ATXN7L1: variants seen among roughly 807,000 people sequenced by gnomAD.
The protein encoded by ATXN7L1 is ataxin 7 like 1, also known as ataxin-7-like protein 1.
In ATXN7L1, 15 loss-of-function variants were observed where a neutral mutation model predicts 70.8. That is an observed-to-expected ratio of 0.21 (90% CI 0.14 to 0.33). The LOEUF is 0.33. Ranked by LOEUF, ATXN7L1 falls within the 10% of genes least tolerant of loss-of-function variation. The pLI is 1.00. For missense variants in ATXN7L1, 975 were observed against 1,097.1 expected (o/e 0.89, Z 1.57); for synonymous variants, 440 against 445.1 (o/e 0.99, Z 0.14).
chr7:105,653,849 G>GCTCTGTGCACAC (rs1562956704), intron 4 of ATXN7L1, among the ~76,000 whole-genome samples: 16 of 152,010 alleles, frequency 1.1e-4, no homozygotes, highest in African/African-American at 3.6e-4. Context: ...TGTGGGCCGG[G>GCTCTGTGCACAC]CTCTCCTGCT....
intron 2 of ATXN7L1, among the ~76,000 whole-genome samples, chr7:105,823,630 G>C (rs1163878947): frequency 6.6e-6 from 1 of 152,156 alleles, no homozygotes; most frequent in Non-Finnish European, 1.5e-5. Context: ...GTGGATTAAT[G>C]GTTACTCCTC....
intron 2 of ATXN7L1, among the ~76,000 whole-genome samples, chr7:105,871,995 A>ATT (rs970133304): frequency 1.4e-5 from 2 of 143,774 alleles, no homozygotes; most frequent in Non-Finnish European, 1.5e-5. Context: ...AACCAAAATA[A>ATT]TTTTTTTTTT....
intron 4 of ATXN7L1, among the ~76,000 whole-genome samples, chr7:105,647,510 G>A (rs997664515): frequency 3.9e-5 from 6 of 152,224 alleles, no homozygotes; most frequent in African/African-American, 1.4e-4. Flanking sequence ...AGCCGGGCGC[G>A]GTGGCACATG....
chr7:105,755,806 A>G (rs1177317998), intron 3 of ATXN7L1, among the ~76,000 whole-genome samples: 4 of 152,210 alleles, frequency 2.6e-5, no homozygotes, highest in African/African-American at 9.6e-5. Flanking sequence ...TTTGTATTGT[A>G]AAATAAAGCA....
chr7:105,742,323 G>A (rs758769309), intron 3 of ATXN7L1, among the ~76,000 whole-genome samples: 40 of 152,122 alleles, frequency 2.6e-4, no homozygotes, highest in East Asian at 1.9e-4. Flanking sequence ...TGCCTGCATC[G>A]GAGCAATAAC....
chr7:105,630,719 AAAAT>A (rs144429337), intron 7 of ATXN7L1, among the ~76,000 whole-genome samples: 128,104 of 148,540 alleles, frequency 0.86, 55,564 homozygotes, highest in Middle Eastern at 0.91. Context: ...CCTGTCTCAA[AAAAT>A]AAATAAATAA....
intron 8 of ATXN7L1, 52 bp from the exon 9 acceptor site, chr7:105,620,373 A>G: frequency 6.8e-7 from 1 of 1,470,910 alleles, no homozygotes; most frequent in South Asian, 1.3e-5. Flanking sequence ...AAGCTAATAT[A>G]AACTATACAG....
rs544563009 is a variant in ATXN7L1, at chr7:105,777,895, G to A, written c.355+10709C>T. On this transcript the variant is annotated intron_variant, in intron 3 of 11. Transcript: ENST00000419735. ...CTACTACTCTGAAGCCCTCAAATGT[G>A]CCTTGTTTGTTTTTACTCTTCTGTG... Among the ~76,000 whole-genome samples the A allele has an allele frequency of 5.3e-4, 80 of 152,246 alleles. 1 individual carries two copies. In the South Asian group the frequency reaches 0.015, roughly 29 times the overall value.
rs1563011589 is a variant in ATXN7L1, at chr7:105,693,584, T to TCCA, written c.356-28297_356-28296insTGG. ...CCATCCATCCATCCATCCATCCATCTAATTTGAAGAATAAAATGTCACCCC... is the reference window on the plus strand; with the variant it reads ...CCATCCATCCATCCATCCATCCATCTCCAAATTTGAAGAATAAAATGTCACCCC... On this transcript the variant is annotated intron_variant, in intron 3 of 11. Coordinates refer to ENST00000419735, the MANE Select transcript of ATXN7L1 (RefSeq NM_020725.2). Among the ~76,000 whole-genome samples, 282 of 40,142 alleles carry TCCA rather than the reference T, an allele frequency of 7.0e-3. 1 individual carries two copies. Among genetic ancestry groups the TCCA allele is most frequent in the South Asian group, 0.033 (45 of 1,376 alleles). The allele number at this position is 40,142 out of a possible 152,430, so 26.3% of individuals were successfully genotyped here.
At chr7:105,773,248 C>T (rs918557094) in intron 3 of ATXN7L1, among the ~76,000 whole-genome samples, 1 of 152,190 alleles carries the variant, frequency 6.6e-6, no homozygotes, top group Non-Finnish European at 1.5e-5. Flanking sequence ...GAACTAAACT[C>T]TAAGCCAAAG....
chr7:105,637,108 C>T (rs958714946), intron 7 of ATXN7L1, among the ~76,000 whole-genome samples: 7 of 152,266 alleles, frequency 4.6e-5, no homozygotes, highest in East Asian at 3.9e-4. Context: ...AGTAACGCCA[C>T]GATGGTGAGC....
intron 7 of ATXN7L1, among the ~76,000 whole-genome samples, chr7:105,632,063 C>T (rs558407492): frequency 3.3e-5 from 5 of 152,282 alleles, no homozygotes; most frequent in South Asian, 2.1e-4. Context: ...AAATTTTGGT[C>T]GACAACCTCA....
At chr7:105,735,730 G>A (rs977623831) in intron 3 of ATXN7L1, among the ~76,000 whole-genome samples, 1 of 152,006 alleles carries the variant, frequency 6.6e-6, no homozygotes, top group African/African-American at 2.4e-5. Context: ...ACCACCCCTT[G>A]GCATTATTTG....
intron 3 of ATXN7L1, among the ~76,000 whole-genome samples, chr7:105,723,529 T>A (rs1455207953): frequency 6.6e-6 from 1 of 152,162 alleles, no homozygotes; most frequent in Non-Finnish European, 1.5e-5. Context: ...TATGGAAGAC[T>A]CAACAGATCC....
chr7:105,822,435 A>C (rs1810299197), intron 2 of ATXN7L1, among the ~76,000 whole-genome samples: 1 of 152,102 alleles, frequency 6.6e-6, no homozygotes, highest in African/African-American at 2.4e-5. Flanking sequence ...AGGATGAGAG[A>C]CTTTCACTGT....
chr7:105,854,038 C>G (rs1244258812), intron 2 of ATXN7L1, among the ~76,000 whole-genome samples: 4 of 152,110 alleles, frequency 2.6e-5, no homozygotes, highest in Non-Finnish European at 5.9e-5. Flanking sequence ...TTTAAACATC[C>G]CCTTCATCCT....
At position 105,860,210 on chromosome 7, in the gene ATXN7L1, T is replaced by G. The variant is rs149477312; in HGVS notation, c.250+15602A>C. ...GTGAACTAATGTTTAATTCTATAGG[T>G]GATCATGGTACCGTTATTTCAACCT... is the stretch of plus-strand genomic sequence containing the variant. On this transcript the variant is annotated intron_variant, in intron 2 of 11. Coordinates refer to ENST00000419735, the MANE Select transcript of ATXN7L1 (RefSeq NM_020725.2). Among the ~76,000 whole-genome samples the G allele has an allele frequency of 8.9e-4, 132 of 147,834 alleles. 3 individuals are homozygous for G. The East Asian group carries it at 0.025, about 28-fold the overall frequency.
At chr7:105,622,380 C>T (rs1355394832) in intron 8 of ATXN7L1, among the ~76,000 whole-genome samples, 1 of 152,204 alleles carries the variant, frequency 6.6e-6, no homozygotes, top group Non-Finnish European at 1.5e-5. Flanking sequence ...GTCTTTGCTA[C>T]CTGTGTATCT....
intron 10 of ATXN7L1, 120 bp downstream of exon 10, chr7:105,613,742 G>A: frequency 6.6e-7 from 1 of 1,523,834 alleles, no homozygotes; most frequent in Non-Finnish European, 8.8e-7. Flanking sequence ...TGCCTTCGGG[G>A]AAAACGAGAA....
Sources: allele counts gnomAD v4.1 joint callset (sites outside exome capture counted in the v4.1 genomes callset), GRCh38; gene constraint gnomAD v4.1.1; transcripts MANE v1.5; gene names NCBI Gene and HGNC (gene_info 2026-07-23, HGNC 2026-07-21).